The following ROR1 variants were observed in gnomAD, a reference collection of about 807,000 sequenced individuals.
ROR1 encodes ROR family WNT receptor 1.
In ROR1, 19 loss-of-function variants were observed where a neutral mutation model predicts 78.8. The observed-to-expected ratio is 0.24, with a 90% CI of 0.17 to 0.35. The LOEUF is 0.35. Among genes scored for constraint, ROR1 ranks in the 10% least tolerant of loss-of-function variants. The pLI is 1.00. For missense variants in ROR1, 917 were observed against 1,177.8 expected (o/e 0.78, Z 3.24); for synonymous variants, 386 against 433.6 (o/e 0.89, Z 1.36).
At chr1:64,045,639 C>A (rs1473817877) in intron 2 of ROR1, among the ~76,000 whole-genome samples, 5 of 152,112 alleles carry the variant, frequency 3.3e-5, no homozygotes, top group Admixed American at 2.0e-4. Flanking sequence ...CTTTCTTACC[C>A]TCTCTGTGCC....
chr1:63,857,064 A>G (rs1645153276), intron 1 of ROR1, among the ~76,000 whole-genome samples: 1 of 152,180 alleles, frequency 6.6e-6, no homozygotes, highest in Non-Finnish European at 1.5e-5. Context: ...TCAGGTGTGT[A>G]ACAGTTGCTC....
At chr1:64,047,880 A>AT (rs746502250) in intron 2 of ROR1, among the ~76,000 whole-genome samples, 23 of 152,200 alleles carry the variant, frequency 1.5e-4, no homozygotes, top group Non-Finnish European at 3.2e-4. Context: ...GTGAAGGATA[A>AT]TTATTCATTG....
intron 1 of ROR1, among the ~76,000 whole-genome samples, chr1:63,853,748 C>T (rs914064867): frequency 2.6e-5 from 4 of 152,114 alleles, no homozygotes; most frequent in Non-Finnish European, 5.9e-5. Context: ...TGAAAGTTTC[C>T]AAATATGAGG....
chr1:63,929,070 T>A (rs1356844956), intron 1 of ROR1, among the ~76,000 whole-genome samples: 2 of 152,192 alleles, frequency 1.3e-5, no homozygotes, highest in Non-Finnish European at 2.9e-5. Context: ...ATAGGCAGAT[T>A]GACACTTCCT....
intron 7 of ROR1, among the ~76,000 whole-genome samples, chr1:64,144,100 G>T (rs1649412567): frequency 6.6e-6 from 1 of 152,200 alleles, no homozygotes; most frequent in Non-Finnish European, 1.5e-5. Context: ...TGAAATTGGA[G>T]ACAAGAGGAG....
At chr1:63,873,391 C>A (rs1028005949) in intron 1 of ROR1, among the ~76,000 whole-genome samples, 2 of 152,110 alleles carry the variant, frequency 1.3e-5, no homozygotes, top group African/African-American at 4.8e-5. Context: ...CCCACTCCTC[C>A]AACCCGTTCT....
intron 1 of ROR1, among the ~76,000 whole-genome samples, chr1:63,778,895 CTTGT>C (rs1417175640): frequency 2.0e-5 from 3 of 152,202 alleles, no homozygotes; most frequent in South Asian, 2.1e-4. Flanking sequence ...ACATTCTTTC[CTTGT>C]TTAATTCTTA....
chr1:64,049,630 C>G (rs1379061803), intron 2 of ROR1, 61 bp from the exon 3 acceptor site: 1 of 1,487,216 alleles, frequency 6.7e-7, no homozygotes, highest in Non-Finnish European at 9.2e-7. Context: ...GGGGATTTGG[C>G]TGCTTGGAAG....
intron 1 of ROR1, among the ~76,000 whole-genome samples, chr1:64,007,294 T>C (rs551350720): frequency 3.9e-5 from 6 of 152,146 alleles, no homozygotes; most frequent in Non-Finnish European, 7.4e-5. Context: ...GTAGGAGGGA[T>C]TGACAACTTG....
chr1:64,025,895 AC>A (rs1646605484), intron 2 of ROR1, among the ~76,000 whole-genome samples: 1 of 152,128 alleles, frequency 6.6e-6, no homozygotes, highest in Admixed American at 6.6e-5. Context: ...GGGATAAAAG[AC>A]TACTAATTGG....
chr1:63,795,565 C>A (rs1213136084), intron 1 of ROR1, among the ~76,000 whole-genome samples: 7 of 152,232 alleles, frequency 4.6e-5, no homozygotes, highest in Non-Finnish European at 1.5e-5. Context: ...AGTAAGCTCT[C>A]TTGAACTCTT....
intron 4 of ROR1, among the ~76,000 whole-genome samples, chr1:64,096,557 A>G (rs1647306635): frequency 6.6e-6 from 1 of 152,144 alleles, no homozygotes; most frequent in South Asian, 2.1e-4. Flanking sequence ...TGGCCCTGCA[A>G]AGAATATGAT....
rs1187133707 is a variant in ROR1, at chr1:64,014,734, C to T, written c.163+5358C>T. The stretch of plus-strand genomic sequence containing the variant: ...CAGACTATATATATATATACACATA[C>T]GCACACTATATATATATATATATAT... On this transcript the variant is annotated intron_variant, in intron 2 of 8. Coordinates refer to ENST00000371079, the MANE Select transcript of ROR1 (RefSeq NM_005012.4). Among the ~76,000 whole-genome samples, 11 of 10,928 alleles carry T rather than the reference C, an allele frequency of 1.0e-3. 1 individual carries two copies. Among genetic ancestry groups the T allele is most frequent in the South Asian group, 0.015 (2 of 130 alleles). The allele number at this position is 10,928 out of a possible 152,430, so 7.2% of individuals were successfully genotyped here.
intron 4 of ROR1, among the ~76,000 whole-genome samples, chr1:64,093,512 G>A (rs1239115521): frequency 6.6e-6 from 1 of 152,020 alleles, no homozygotes; most frequent in African/African-American, 2.4e-5. Flanking sequence ...TAAAAGAGGG[G>A]TGGGAGGTAG....
intron 4 of ROR1, among the ~76,000 whole-genome samples, chr1:64,076,358 G>A (rs1403755648): frequency 1.3e-5 from 2 of 152,122 alleles, no homozygotes; most frequent in Admixed American, 6.5e-5. Context: ...TCTTCTTCAG[G>A]TCCTACAATG....
intron 1 of ROR1, among the ~76,000 whole-genome samples, chr1:63,997,238 G>T (rs1646344452): frequency 6.6e-6 from 1 of 152,136 alleles, no homozygotes. Context: ...ATAATGGAGG[G>T]CTCCACAGAC....
At chr1:63,853,645 GTTTC>G (rs1645130405) in intron 1 of ROR1, among the ~76,000 whole-genome samples, 1 of 152,126 alleles carries the variant, frequency 6.6e-6, no homozygotes, top group South Asian at 2.1e-4. Flanking sequence ...CTTATATCTT[GTTTC>G]TTTCTTCAGC....
intron 4 of ROR1, among the ~76,000 whole-genome samples, chr1:64,078,363 T>A (rs1190927930): frequency 6.6e-6 from 1 of 152,138 alleles, no homozygotes; most frequent in Non-Finnish European, 1.5e-5. Flanking sequence ...ATCTTTGGTA[T>A]GTGTGGAGCA....
intron 8 of ROR1, 145 bp downstream of exon 8, chr1:64,159,337 G>A (rs944181550): frequency 1.6e-4 from 105 of 658,912 alleles, no homozygotes; most frequent in South Asian, 6.5e-4. Context: ...ATGCAAAGAC[G>A]AACTACCTAC....
Sources: allele counts gnomAD v4.1 joint callset (sites outside exome capture counted in the v4.1 genomes callset), GRCh38; gene constraint gnomAD v4.1.1; transcripts MANE v1.5; gene names NCBI Gene and HGNC (gene_info 2026-07-23, HGNC 2026-07-21).